CORO2B: variants seen among roughly 807,000 people sequenced by gnomAD.
CORO2B encodes coronin-2B.
Under a neutral mutation model 58.8 loss-of-function variants are expected in CORO2B, and 26 were observed. The ratio of observed to expected loss-of-function variants is 0.44; its 90% CI spans 0.32 to 0.61. The LOEUF (loss-of-function observed/expected upper bound fraction) is 0.61. CORO2B is among the 20% of genes least tolerant of loss of function. The pLI is 0.04. For missense variants in CORO2B, 460 were observed against 645.1 expected (o/e 0.71, Z 3.11); for synonymous variants, 242 against 253.8 (o/e 0.95, Z 0.44).
intron 2 of CORO2B, among the ~76,000 whole-genome samples, chr15:68,684,931 GAAGA>G (rs1389535785): frequency 2.0e-5 from 3 of 152,192 alleles, no homozygotes; most frequent in Non-Finnish European, 4.4e-5. Context: ...TCCAGTCATA[GAAGA>G]GAGAGCCAGG....
At chr15:68,599,843 C>T (rs1380477055) in intron 1 of CORO2B, among the ~76,000 whole-genome samples, 1 of 152,216 alleles carries the variant, frequency 6.6e-6, no homozygotes. Flanking sequence ...TGCTCGAGGC[C>T]TGAGTGAATT....
chr15:68,561,279 C>T, the CORO2B span, among the ~76,000 whole-genome samples: 1 of 152,168 alleles, frequency 6.6e-6, no homozygotes, highest in African/African-American at 2.4e-5. Context: ...GCCCCCCTCC[C>T]AGCTCCTCCC....
chr15:68,610,519 CAT>C (rs751686978), intron 1 of CORO2B, among the ~76,000 whole-genome samples: 1 of 152,206 alleles, frequency 6.6e-6, no homozygotes, highest in Non-Finnish European at 1.5e-5. Context: ...TCCCCTCCCT[CAT>C]ACATCCTCTC....
At chr15:68,530,169 C>CA in the CORO2B span, among the ~76,000 whole-genome samples, 16 of 151,986 alleles carry the variant, frequency 1.1e-4, no homozygotes. Flanking sequence ...CTGAAAAATA[C>CA]AAAAAATTAG....
the CORO2B span, among the ~76,000 whole-genome samples, chr15:68,523,386 G>A: frequency 6.6e-6 from 1 of 151,814 alleles, no homozygotes; most frequent in Non-Finnish European, 1.5e-5. Flanking sequence ...TGTAGAGATG[G>A]GGGTCTCCCT....
At chr15:68,519,782 C>G in the CORO2B span, among the ~76,000 whole-genome samples, 2,650 of 152,242 alleles carry the variant, frequency 0.017, 91 homozygotes, top group African/African-American at 0.061. Context: ...TTCAGCGTTT[C>G]TTCTTTTCTA....
chr15:68,687,568 CCA>C (rs892950126), intron 2 of CORO2B, among the ~76,000 whole-genome samples: 8 of 151,964 alleles, frequency 5.3e-5, no homozygotes, highest in East Asian at 1.9e-4. Flanking sequence ...TGAGTGCATG[CCA>C]CACACACACA....
intron 2 of CORO2B, among the ~76,000 whole-genome samples, chr15:68,657,177 TAA>T (rs34213505): frequency 0.16 from 24,190 of 152,020 alleles, 2,340 homozygotes; most frequent in Non-Finnish European, 0.21. Context: ...CTTCACAGAA[TAA>T]AGTTTTTAAG....
rs184228932 is a variant in CORO2B at position 68,659,536 on chromosome 15, G to A, written c.216+14176G>A. Among the ~76,000 whole-genome samples, 17 of 152,104 alleles carry A rather than the reference G, an allele frequency of 1.1e-4. 1 individual carries two copies. The East Asian group carries it at 3.3e-3, about 29-fold the overall frequency. Reference sequence around the variant, plus strand: ...GAGACCAGCCCAGGCAACACAGTAAGAGCCCCTCTCTAAAAAAATTTTTTT... The same window carrying A: ...GAGACCAGCCCAGGCAACACAGTAAAAGCCCCTCTCTAAAAAAATTTTTTT... On this transcript the variant is annotated intron_variant, in intron 2 of 11. Transcript: ENST00000261861.
At chr15:68,698,818 C>T (rs960863204) in intron 3 of CORO2B, among the ~76,000 whole-genome samples, 3 of 152,272 alleles carry the variant, frequency 2.0e-5, no homozygotes, top group Middle Eastern at 3.4e-3. Flanking sequence ...TATGCCTGCT[C>T]ATCTCACTCT....
At chr15:68,677,585 G>C (rs1902629907) in intron 2 of CORO2B, among the ~76,000 whole-genome samples, 1 of 152,210 alleles carries the variant, frequency 6.6e-6, no homozygotes, top group Admixed American at 6.5e-5. Context: ...TGCTTGGAGA[G>C]GCAAAGGTTA....
chr15:68,601,257 G>A lies in CORO2B; in HGVS notation c.15+21980G>A, dbSNP rs148540653. The stretch of plus-strand genomic sequence containing the variant: ...CAAGCTCTGTGCCAGGCCCTGGGAT[G>A]TAGAGATGGTTGAGATACTGCCGCT... On this transcript the variant is annotated intron_variant, in intron 1 of 11. Transcript: ENST00000261861. Among the ~76,000 whole-genome samples, 271 of 152,328 alleles carry A rather than the reference G, an allele frequency of 1.8e-3. 5 individuals are homozygous for A. The highest frequency in any genetic ancestry group is 6.1e-3 in the African/African-American group (254 of 41,558).
intron 3 of CORO2B, among the ~76,000 whole-genome samples, chr15:68,706,263 C>T (rs1379361565): frequency 6.6e-6 from 1 of 152,218 alleles, no homozygotes; most frequent in Non-Finnish European, 1.5e-5. Context: ...AACATCCCAA[C>T]TTGTCTTTTT....
chr15:68,595,224 C>A (rs1323815347), intron 1 of CORO2B, among the ~76,000 whole-genome samples: 1 of 152,190 alleles, frequency 6.6e-6, no homozygotes, highest in Non-Finnish European at 1.5e-5. Flanking sequence ...TTGAGCTGGA[C>A]CCTACCCTGC....
chr15:68,634,514 A>G (rs1037928110), intron 1 of CORO2B, among the ~76,000 whole-genome samples: 2 of 152,162 alleles, frequency 1.3e-5, no homozygotes, highest in African/African-American at 4.8e-5. Context: ...AGGAACTGGG[A>G]GGTAAAGGGA....
At chr15:68,695,063 A>G in intron 2 of CORO2B, 77 bp from the exon 3 acceptor site, 1 of 1,086,998 alleles carries the variant, frequency 9.2e-7, no homozygotes, top group South Asian at 1.3e-5. Flanking sequence ...AGGCCCAGAA[A>G]AAAGGTGCTC....
At chr15:68,723,441 T>TTTG (rs761949121) in intron 11 of CORO2B, among the ~76,000 whole-genome samples, 4 of 151,720 alleles carry the variant, frequency 2.6e-5, no homozygotes, top group Admixed American at 6.6e-5. Flanking sequence ...ATTTGGTTTC[T>TTTG]TTGTTGTTGT....
chr15:68,541,102 G>A, the CORO2B span, among the ~76,000 whole-genome samples: 1 of 152,206 alleles, frequency 6.6e-6, no homozygotes, highest in South Asian at 2.1e-4. Flanking sequence ...TGTTGTGGTA[G>A]TGTGTGCCTA....
chr15:68,598,264 G>A (rs1899890742), intron 1 of CORO2B, among the ~76,000 whole-genome samples: 1 of 152,240 alleles, frequency 6.6e-6, no homozygotes, highest in South Asian at 2.1e-4. Context: ...AACTGAGCTG[G>A]TTCCTGGCCC....
Sources: allele counts gnomAD v4.1 joint callset (sites outside exome capture counted in the v4.1 genomes callset), GRCh38; gene constraint gnomAD v4.1.1; transcripts MANE v1.5; gene names NCBI Gene and HGNC (gene_info 2026-07-23, HGNC 2026-07-21).